Variants in ABCC1 observed in about 807,000 individuals in gnomAD.
The protein encoded by ABCC1 is multidrug resistance-associated protein 1.
In ABCC1, 83 loss-of-function variants were observed where a neutral mutation model predicts 172.9. The ratio of observed to expected loss-of-function variants is 0.48; its 90% CI spans 0.40 to 0.58. ABCC1 has a LOEUF of 0.58. ABCC1 is among the 20% of genes least tolerant of loss of function. The probability of loss-of-function intolerance (pLI) is 0.00; values close to 1 mark genes in which losing one functional copy is unlikely to be tolerated. For synonymous variants in ABCC1, 937 were observed against 825.2 expected (o/e 1.14, Z -2.32); for missense variants, 1,817 against 2,002.7 (o/e 0.91, Z 1.77).
At chr16:16,116,770 G>A (rs939992974) in intron 23 of ABCC1, among the ~76,000 whole-genome samples, 1 of 152,098 alleles carries the variant, frequency 6.6e-6, no homozygotes, top group Non-Finnish European at 1.5e-5. Context: ...ATGTTGGCCA[G>A]GCTAGTCTCA....
chr16:16,048,984 CAA>C (rs112797521), intron 10 of ABCC1, among the ~76,000 whole-genome samples: 7 of 103,542 alleles, frequency 6.8e-5, no homozygotes, highest in African/African-American at 6.6e-5. Flanking sequence ...ACTCCAATTC[CAA>C]AAAAAAAAAA....
chr16:15,951,298 A>G (rs531636089), intron 1 of ABCC1, among the ~76,000 whole-genome samples: 1 of 152,332 alleles, frequency 6.6e-6, no homozygotes, highest in Non-Finnish European at 1.5e-5. Context: ...TATTTTATTG[A>G]TGGCAATTGG....
intron 1 of ABCC1, among the ~76,000 whole-genome samples, chr16:15,979,639 C>G (rs1306362437): frequency 6.6e-6 from 1 of 152,070 alleles, no homozygotes; most frequent in Non-Finnish European, 1.5e-5. Flanking sequence ...ATCTTAGCAC[C>G]TCGGCCCTTC....
At chr16:15,975,655 C>T (rs1361452022) in intron 1 of ABCC1, among the ~76,000 whole-genome samples, 4 of 151,628 alleles carry the variant, frequency 2.6e-5, no homozygotes, top group African/African-American at 9.7e-5. Context: ...CTCCTGGGTT[C>T]AAACGATTCT....
At chr16:15,955,454 C>T (rs1057303029) in intron 1 of ABCC1, among the ~76,000 whole-genome samples, 4 of 152,178 alleles carry the variant, frequency 2.6e-5, no homozygotes, top group Non-Finnish European at 5.9e-5. Flanking sequence ...CTACTAAAAC[C>T]CTGCAGTAGT....
intron 11 of ABCC1, among the ~76,000 whole-genome samples, chr16:16,054,425 G>C (rs1166778420): frequency 2.6e-5 from 4 of 152,032 alleles, no homozygotes; most frequent in Non-Finnish European, 4.4e-5. Flanking sequence ...TTCCAACCCG[G>C]TGCCTTTTGG....
intron 1 of ABCC1, among the ~76,000 whole-genome samples, chr16:15,978,055 G>A (rs551135217): frequency 2.6e-5 from 4 of 152,032 alleles, no homozygotes; most frequent in Non-Finnish European, 1.5e-5. Flanking sequence ...TATAAGTCTC[G>A]TCTTCACAAT....
intron 19 of ABCC1, among the ~76,000 whole-genome samples, chr16:16,101,285 C>T (rs191916461): frequency 1.7e-4 from 26 of 152,254 alleles, no homozygotes; most frequent in East Asian, 7.7e-4. Flanking sequence ...CTGCCCGCCT[C>T]GGCCTTGAAA....
At chr16:15,999,066 T>C (rs1297102030) in intron 1 of ABCC1, among the ~76,000 whole-genome samples, 1 of 152,168 alleles carries the variant, frequency 6.6e-6, no homozygotes, top group Non-Finnish European at 1.5e-5. Context: ...AGTGCTGCGA[T>C]CTCGGCTCAC....
chr16:15,955,428 C>G (rs1037942786), intron 1 of ABCC1, among the ~76,000 whole-genome samples: 1 of 152,140 alleles, frequency 6.6e-6, no homozygotes, highest in African/African-American at 2.4e-5. Flanking sequence ...CTAGTCTTGG[C>G]CCAGCTGTCC....
Position 16,131,900 on chromosome 16 carries a change from A to G in ABCC1, c.3931A>G (p.Arg1311Gly), listed in dbSNP as rs2071332307. The G allele has an allele frequency of 6.2e-7, 1 of 1,613,972 alleles. No individual in the cohort carries two copies. The change falls in exon 27 of 31, where the codon AGG becomes GGG. Residue 1311 changes from arginine to glycine, a missense_variant. Coordinates refer to ENST00000399410, the MANE Select transcript of ABCC1 (RefSeq NM_004996.4). ...RYREDLDFVLRHINVTINGGE... is the reference protein window; with the variant it reads ...RYREDLDFVLGHINVTINGGE... ...CCGAGAGGACCTGGACTTCGTTCTC[A>G]GGCACATCAATGTCACGATCAATGG...
chr16:16,039,425 G>C (rs1478989042), intron 7 of ABCC1, among the ~76,000 whole-genome samples: 1 of 151,550 alleles, frequency 6.6e-6, no homozygotes. Context: ...ATGCCACCAC[G>C]CCTGACTAAT....
intron 1 of ABCC1, among the ~76,000 whole-genome samples, chr16:15,996,192 C>G (rs536739508): frequency 6.6e-6 from 1 of 152,094 alleles, no homozygotes; most frequent in African/African-American, 2.4e-5. Context: ...ACTATGTTGG[C>G]CAGGCTGGTC....
intron 19 of ABCC1, among the ~76,000 whole-genome samples, chr16:16,096,638 C>T (rs1042167408): frequency 9.9e-5 from 15 of 152,132 alleles, no homozygotes; most frequent in African/African-American, 3.6e-4. Context: ...AAAAATGAGG[C>T]GTTGACTATA....
intron 15 of ABCC1, among the ~76,000 whole-genome samples, chr16:16,078,860 G>A (rs2151980436): frequency 6.6e-6 from 1 of 152,216 alleles, no homozygotes; most frequent in South Asian, 2.1e-4. Flanking sequence ...TATATTTTTA[G>A]TAGAAACGGG....
intron 19 of ABCC1, among the ~76,000 whole-genome samples, chr16:16,092,336 T>C (rs1221835652): frequency 6.6e-6 from 1 of 152,194 alleles, no homozygotes; most frequent in Admixed American, 6.5e-5. Context: ...TTTAGAACTT[T>C]TTTTAATCAC....
intron 19 of ABCC1, among the ~76,000 whole-genome samples, chr16:16,092,905 C>G (rs1596486457): frequency 6.6e-6 from 1 of 152,322 alleles, no homozygotes; most frequent in East Asian, 1.9e-4. Flanking sequence ...GGGGGAATCG[C>G]TTGAGCCTGG....
intron 24 of ABCC1, among the ~76,000 whole-genome samples, chr16:16,123,766 C>G (rs1156790671): frequency 6.6e-6 from 1 of 152,180 alleles, no homozygotes; most frequent in Non-Finnish European, 1.5e-5. Context: ...AATCTCAGCA[C>G]TTTGGGTGGC....
chr16:16,131,759 C>G lies in ABCC1; in HGVS notation c.3820-30C>G, dbSNP rs2270490. ...AGCTTTACCAGATGGACTGGAAATT[C>G]CTTACTCTCTCCCTTCACTGCGATC... On this transcript the variant is annotated intron_variant, in intron 26 of 30. Coordinates refer to ENST00000399410, the MANE Select transcript of ABCC1 (RefSeq NM_004996.4). 1.8e-4 allele frequency: 293 copies of G among 1,607,892 alleles called. 1 individual carries two copies. In the East Asian group the frequency reaches 6.3e-3, roughly 35 times the overall value.
Sources: gnomAD v4.1 joint callset for allele counts (sites outside exome capture counted in the v4.1 genomes callset) on GRCh38, gnomAD v4.1.1 for gene constraint, MANE v1.5 for transcripts, NCBI Gene and HGNC (gene_info 2026-07-23, HGNC 2026-07-21) for gene names.